Variants in RANBP2 observed in about 807,000 individuals in gnomAD.
RANBP2 encodes the protein E3 SUMO-protein ligase RanBP2.
A neutral mutation model predicts 303.6 loss-of-function variants in RANBP2; 57 were observed. That is an observed-to-expected ratio of 0.19 (90% CI 0.15 to 0.23). The LOEUF is 0.23. Among genes scored for constraint, RANBP2 ranks in the 10% least tolerant of loss-of-function variants. The pLI, the probability that RANBP2 is intolerant of heterozygous loss-of-function variation, is 1.00. For synonymous variants in RANBP2, 1,167 were observed against 1,301.5 expected, an observed-to-expected ratio of 0.90 and a Z score of 2.23; for missense variants, 3,138 against 3,780.8, an observed-to-expected ratio of 0.83 and a Z score of 4.46.
At chr2:109,628,743 G>C in the RANBP2 span, among the ~76,000 whole-genome samples, 8 of 152,078 alleles carry the variant, frequency 5.3e-5, no homozygotes, top group Non-Finnish European at 8.8e-5. Flanking sequence ...TTGCCAATAA[G>C]ATGACATGGT....
chr2:109,347,605 C>T, the RANBP2 span: 1 of 1,554,342 alleles, frequency 6.4e-7, no homozygotes, highest in Non-Finnish European at 8.7e-7. Flanking sequence ...CCGGCCTGCC[C>T]CGGCAGATCC....
At position 108,753,029 on chromosome 2, in the gene RANBP2, G is replaced by T. The variant is rs753106584; in HGVS notation, c.1787G>T (p.Arg596Leu). 1.9e-6 allele frequency: 3 copies of T among 1,609,170 alleles called. No individual in the cohort carries two copies. The highest frequency in any genetic ancestry group is 1.3e-5 in the African/African-American group (1 of 74,576). Reference protein sequence around the residue: ...GSGLNSFYDQREYIGRSVHYW... With the variant: ...GSGLNSFYDQLEYIGRSVHYW... ...GGTCTTAATTCTTTTTATGATCAACGAGAATACATAGGGAGAAGTGTTCAT... is the reference window on the plus strand; with the variant it reads ...GGTCTTAATTCTTTTTATGATCAACTAGAATACATAGGGAGAAGTGTTCAT... The change falls in exon 13 of 29, where the codon CGA becomes CTA. Residue 596 changes from arginine to leucine, a missense_variant. Coordinates refer to ENST00000283195, the MANE Select transcript of RANBP2 (RefSeq NM_006267.5).
the RANBP2 span, among the ~76,000 whole-genome samples, chr2:109,604,452 C>T: frequency 1.4e-5 from 2 of 140,892 alleles, no homozygotes; most frequent in Admixed American, 7.7e-5. Context: ...AGAGGCCGGG[C>T]GTGGTGGCTG....
chr2:108,954,760 C>T, the RANBP2 span, among the ~76,000 whole-genome samples: 9 of 151,990 alleles, frequency 5.9e-5, no homozygotes, highest in Admixed American at 5.9e-4. Context: ...ACTGCAACCT[C>T]CACCTCCCAG....
chr2:109,377,115 C>T, the RANBP2 span, among the ~76,000 whole-genome samples: 58,955 of 152,154 alleles, frequency 0.39, 11,676 homozygotes, highest in African/African-American at 0.45. Flanking sequence ...AGAATTCAAT[C>T]AGAGCTGTAA....
At chr2:109,057,696 G>A in the RANBP2 span, among the ~76,000 whole-genome samples, 23 of 152,336 alleles carry the variant, frequency 1.5e-4, no homozygotes, top group Middle Eastern at 3.4e-3. Flanking sequence ...TGCATCTGAC[G>A]GTGGGGAGAG....
At position 108,765,335 on chromosome 2, in the gene RANBP2, T is replaced by A. The variant is rs144029647; in HGVS notation, c.4796T>A (p.Phe1599Tyr). The change falls in exon 20 of 29, where the codon TTT becomes TAT. Residue 1599 changes from phenylalanine to tyrosine, a missense_variant. This residue lies in a region of RANBP2 where 28 missense variants were observed against 43.2 expected (regional missense o/e 0.65). Transcript: ENST00000283195. ...SETSKAPKSG[F>Y]EGMFTKKEGQ... ...ACAAGCAAGGCTCCAAAGAGCGGATTTGAGGGAATGTTCACTAAGAAGGAG... is the reference window on the plus strand; with the variant it reads ...ACAAGCAAGGCTCCAAAGAGCGGATATGAGGGAATGTTCACTAAGAAGGAG... 1.9e-6 allele frequency: 3 copies of A among 1,613,598 alleles called. No individual in the cohort carries two copies. In the African/African-American group the frequency reaches 4.0e-5, roughly 22 times the overall value.
chr2:108,730,011 T>C (rs1695044570), intron 2 of RANBP2, among the ~76,000 whole-genome samples: 5 of 151,400 alleles, frequency 3.3e-5, no homozygotes, highest in Admixed American at 3.3e-4. Flanking sequence ...GTGTTACTGC[T>C]CCCAGCTGGG....
chr2:108,995,666 G>T, the RANBP2 span, among the ~76,000 whole-genome samples: 1 of 152,228 alleles, frequency 6.6e-6, no homozygotes, highest in Admixed American at 6.5e-5. Flanking sequence ...TTCCCTTGCA[G>T]TTAGATGTTG....
At chr2:109,674,035 T>G in the RANBP2 span, among the ~76,000 whole-genome samples, 3 of 152,170 alleles carry the variant, frequency 2.0e-5, no homozygotes, top group Admixed American at 6.5e-5. Context: ...GTTCAAGTCT[T>G]TCACCCAATT....
At chr2:108,815,222 C>A in the RANBP2 span, among the ~76,000 whole-genome samples, 1 of 152,006 alleles carries the variant, frequency 6.6e-6, no homozygotes. Context: ...AGTGGAAATT[C>A]TTTAGCTCTG....
the RANBP2 span, among the ~76,000 whole-genome samples, chr2:109,388,200 T>C: frequency 0.52 from 79,242 of 152,066 alleles, 21,103 homozygotes; most frequent in South Asian, 0.61. Context: ...TCTATGGTTA[T>C]GTCCTGTCTG....
chr2:109,400,197 G>T, the RANBP2 span, among the ~76,000 whole-genome samples: 1 of 152,064 alleles, frequency 6.6e-6, no homozygotes, highest in Non-Finnish European at 1.5e-5. Flanking sequence ...GCCTAGAAAT[G>T]CCCCCTACAC....
At chr2:109,062,859 G>T in the RANBP2 span, among the ~76,000 whole-genome samples, 8 of 151,684 alleles carry the variant, frequency 5.3e-5, no homozygotes, top group Admixed American at 6.6e-5. Context: ...CTGGGAGCGG[G>T]TGGAGGTGAA....
At chr2:109,111,237 C>T in the RANBP2 span, among the ~76,000 whole-genome samples, 1 of 152,166 alleles carries the variant, frequency 6.6e-6, no homozygotes, top group African/African-American at 2.4e-5. Context: ...CTCTGCCACA[C>T]ACAATAATTC....
chr2:109,328,564 C>T, the RANBP2 span, among the ~76,000 whole-genome samples: 16 of 152,290 alleles, frequency 1.1e-4, no homozygotes, highest in Admixed American at 7.9e-4. Flanking sequence ...CCTCTGATTT[C>T]GACAGTGCAT....
chr2:109,149,331 G>A, the RANBP2 span, among the ~76,000 whole-genome samples: 5 of 152,310 alleles, frequency 3.3e-5, no homozygotes, highest in East Asian at 9.6e-4. Context: ...CTTGACTTGA[G>A]CTCCTCTACT....
In RANBP2 at chr2:108,764,618, G is replaced by T; in HGVS notation, c.4079G>T (p.Ser1360Ile). ...GAAGGGTCTTGGTGGCATTGTAACAGCTGCTCATTAAAGAATGCTTCAACT... is the reference window on the plus strand; with the variant it reads ...GAAGGGTCTTGGTGGCATTGTAACATCTGCTCATTAAAGAATGCTTCAACT... ...KKEGSWWHCNSCSLKNASTAK... is the reference protein window; with the variant it reads ...KKEGSWWHCNICSLKNASTAK... The change falls in exon 20 of 29, where the codon AGC (serine) becomes ATC (isoleucine). Residue 1360 changes from serine to isoleucine, a missense_variant. Transcript: ENST00000283195. The T allele has an allele frequency of 6.2e-7, 1 of 1,614,036 alleles. No individual in the cohort carries two copies. The highest frequency in any genetic ancestry group is 8.5e-7 in the Non-Finnish European group (1 of 1,179,956).
At chr2:108,787,570 A>T (rs1249930616), downstream of RANBP2, among the ~76,000 whole-genome samples, 1 of 152,204 alleles carries the variant, frequency 6.6e-6, no homozygotes, top group Non-Finnish European at 1.5e-5. Flanking sequence ...AAATTTCAGC[A>T]ATTATCTCGA....
Sources: gnomAD v4.1 joint callset for allele counts (sites outside exome capture counted in the v4.1 genomes callset) on GRCh38, gnomAD v4.1.1 for gene constraint, gnomAD v4.1.1 regional missense constraint, MANE v1.5 for transcripts, NCBI Gene and HGNC (gene_info 2026-07-23, HGNC 2026-07-21) for gene names.